Variants in TRAPPC6B observed in about 807,000 individuals in gnomAD.
TRAPPC6B encodes the protein TRAPP complex subunit 6B.
In TRAPPC6B, 27 loss-of-function variants were observed where a neutral mutation model predicts 24.7. The observed-to-expected ratio is 1.09, with a 90% CI of 0.81 to 1.51. The LOEUF is 1.51. Ranked by LOEUF, TRAPPC6B falls within the 40% of genes most tolerant of loss-of-function variation. The probability of loss-of-function intolerance (pLI) is 0.00; values close to 1 mark genes in which losing one functional copy is unlikely to be tolerated. For synonymous variants in TRAPPC6B, 80 were observed against 66.6 expected (o/e 1.20, Z -0.98); for missense variants, 212 against 190.8 (o/e 1.11, Z -0.66).
chr14:39,164,355 G>C, intron 1 of TRAPPC6B, among the ~76,000 whole-genome samples: 1 of 152,182 alleles, frequency 6.6e-6, no homozygotes, highest in East Asian at 1.9e-4. Context: ...AGCTGGGCAT[G>C]GTGGCGCATG....
At chr14:39,167,195 T>C (rs2053117846) in intron 1 of TRAPPC6B, among the ~76,000 whole-genome samples, 1 of 152,224 alleles carries the variant, frequency 6.6e-6, no homozygotes, top group Non-Finnish European at 1.5e-5. Flanking sequence ...ATTTTATCCA[T>C]TAGCCTTTCA....
chr14:39,160,179 T>G (rs1409473969), intron 1 of TRAPPC6B, among the ~76,000 whole-genome samples: 1 of 152,144 alleles, frequency 6.6e-6, no homozygotes, highest in Non-Finnish European at 1.5e-5. Flanking sequence ...AGAAGTGATT[T>G]TCCCAGGATA....
rs574163916 is a variant in TRAPPC6B at position 39,155,210 on chromosome 14, A to G, written c.268-916T>C. Reference sequence around the variant, plus strand: ...CTCCCAAAGTGCTGAAATTACATGTATGATCACCACACCCGACCTAATTTT... The same window carrying G: ...CTCCCAAAGTGCTGAAATTACATGTGTGATCACCACACCCGACCTAATTTT... On this transcript the variant is annotated intron_variant, in intron 3 of 5. Transcript: ENST00000330149. Among the ~76,000 whole-genome samples the G allele has an allele frequency of 3.9e-5, 6 of 152,168 alleles. No homozygotes were observed. The South Asian group carries it at 8.3e-4, about 21-fold the overall frequency.
chr14:39,160,631 G>A (rs1381364175), intron 1 of TRAPPC6B, among the ~76,000 whole-genome samples: 1 of 143,086 alleles, frequency 7.0e-6, no homozygotes, highest in Non-Finnish European at 1.5e-5. Flanking sequence ...GGAGGGGAGG[G>A]AAGGGAAGGG....
chr14:39,151,856 T>G lies in TRAPPC6B; in HGVS notation c.352-17A>C. 1 of 1,518,152 alleles carries G rather than the reference T, an allele frequency of 6.6e-7. No homozygotes were observed. Among genetic ancestry groups the G allele is most frequent in the Non-Finnish European group, 9.0e-7 (1 of 1,113,030 alleles). The allele number at this position is 1,518,152 out of a possible 1,614,324, so 94.0% of individuals were successfully genotyped here. On this transcript the variant is annotated splice_polypyrimidine_tract_variant and intron_variant, in intron 4 of 5. Coordinates refer to ENST00000330149, the MANE Select transcript of TRAPPC6B (RefSeq NM_001079537.2). Reference sequence around the variant, plus strand: ...TGCTAAATACTAAAAGGAAAAAAAATCATTAAAAATAGTAAGGATTTACTA... The same window carrying G: ...TGCTAAATACTAAAAGGAAAAAAAAGCATTAAAAATAGTAAGGATTTACTA...
At chr14:39,165,575 A>T (rs1260142998) in intron 1 of TRAPPC6B, among the ~76,000 whole-genome samples, 3 of 152,166 alleles carry the variant, frequency 2.0e-5, no homozygotes, top group Non-Finnish European at 4.4e-5. Context: ...CAGGAGGGTC[A>T]CTTGAGACTA....
intron 1 of TRAPPC6B, among the ~76,000 whole-genome samples, chr14:39,160,674 CAG>C (rs1411403924): frequency 4.0e-5 from 6 of 151,698 alleles, no homozygotes; most frequent in Non-Finnish European, 5.9e-5. Context: ...GAGACAGAAA[CAG>C]AGAGAAAAGA....
intron 1 of TRAPPC6B, among the ~76,000 whole-genome samples, chr14:39,161,508 A>T (rs1244599310): frequency 6.6e-6 from 1 of 152,234 alleles, no homozygotes; most frequent in Non-Finnish European, 1.5e-5. Context: ...CTTAAGCACA[A>T]ATGCAACATA....
chr14:39,151,742 T>A lies in TRAPPC6B; in HGVS notation c.445+4A>T. On this transcript the variant is annotated splice_donor_region_variant and intron_variant, in intron 5 of 5. Transcript: ENST00000330149. Reference sequence around the variant, plus strand: ...CATTTGTAAGAAAGGCGAATTCAACTTACAAGCAGGCATTGAAGACACTTC... The same window carrying A: ...CATTTGTAAGAAAGGCGAATTCAACATACAAGCAGGCATTGAAGACACTTC... 6.4e-7 allele frequency: 1 copy of A among 1,570,216 alleles called. No homozygotes were observed.
At position 39,148,477 on chromosome 14, in the gene TRAPPC6B, A is replaced by G; in HGVS notation, c.*1873T>C. On this transcript the variant is annotated 3_prime_UTR_variant, in exon 6 of 6. Coordinates refer to ENST00000330149, the MANE Select transcript of TRAPPC6B (RefSeq NM_001079537.2). ...AAGAAAAAAAAAATGGGGCTTTGTC[A>G]GCAAGGAAGGGAGAACGAAATGGCT... The G allele has an allele frequency of 2.6e-6, 1 of 391,914 alleles. No individual in the cohort carries two copies. Among genetic ancestry groups the G allele is most frequent in the East Asian group, 3.6e-5 (1 of 27,714 alleles). The allele number at this position is 391,914 out of a possible 1,614,324, so 24.3% of individuals were successfully genotyped here.
At chr14:39,154,379 G>GT (rs2052951943) in intron 3 of TRAPPC6B, 85 bp from the exon 4 acceptor site, 2 of 858,278 alleles carry the variant, frequency 2.3e-6, no homozygotes, top group Non-Finnish European at 3.6e-6. Flanking sequence ...CAATTTAAGT[G>GT]TTTTTTAAAG....
Position 39,170,227 on chromosome 14 carries a change from G to C in TRAPPC6B, c.-132C>G. On this transcript the variant is annotated 5_prime_UTR_variant, in exon 1 of 6. Transcript: ENST00000330149. ...CGCCATTCTATCCCTGTGGCTAAGA[G>C]ACCGAGGTATTCACACGACTTCCCA... 1 of 775,326 alleles carries C rather than the reference G, an allele frequency of 1.3e-6. No individual in the cohort carries two copies. The highest frequency in any genetic ancestry group is 2.5e-5 in the Admixed American group (1 of 39,390). 48.0% of individuals were successfully genotyped at this position (775,326 alleles called of 1,614,324 possible).
At position 39,151,945 on chromosome 14, in the gene TRAPPC6B, T is replaced by TA. The variant is rs773988544; in HGVS notation, c.352-107dup. 15 of 765,128 alleles carry TA rather than the reference T, an allele frequency of 2.0e-5. No individual in the cohort carries two copies. In the Admixed American group the frequency reaches 2.9e-4, roughly 15 times the overall value. 47.4% of individuals were successfully genotyped at this position (765,128 alleles called of 1,614,324 possible). On this transcript the variant is annotated intron_variant, in intron 4 of 5. Coordinates refer to ENST00000330149, the MANE Select transcript of TRAPPC6B (RefSeq NM_001079537.2). Reference sequence around the variant, plus strand: ...TTATCATCAGTAAGTCATTCCTGTTTAAAAAAAGGATTTTGAAGAACTGTT... The same window carrying TA: ...TTATCATCAGTAAGTCATTCCTGTTTAAAAAAAAGGATTTTGAAGAACTGTT...
intron 1 of TRAPPC6B, among the ~76,000 whole-genome samples, chr14:39,169,144 CTGACTTGAGCA>C (rs1314885315): frequency 1.3e-5 from 2 of 152,328 alleles, no homozygotes; most frequent in Admixed American, 6.5e-5. Context: ...GAAAGGGCTC[CTGACTTGAGCA>C]TGACTTTGGA....
intron 3 of TRAPPC6B, chr14:39,157,235 G>A (rs922768637): frequency 1.7e-5 from 6 of 351,446 alleles, no homozygotes; most frequent in African/African-American, 4.4e-5. Context: ...AAATGGCCCC[G>A]CTATATCAGG....
At chr14:39,157,767 G>T in intron 3 of TRAPPC6B, 1 of 238,884 alleles carries the variant, frequency 4.2e-6, no homozygotes, top group South Asian at 6.2e-5. Flanking sequence ...ACTGTCACTG[G>T]GGAGGCAATG....
At position 39,154,195 on chromosome 14, in the gene TRAPPC6B, C is replaced by T; in HGVS notation, c.351+16G>A. The T allele has an allele frequency of 6.4e-7, 1 of 1,555,514 alleles. No individual in the cohort carries two copies. The highest frequency in any genetic ancestry group is 8.9e-7 in the Non-Finnish European group (1 of 1,128,806). On this transcript the variant is annotated intron_variant, in intron 4 of 5. Transcript: ENST00000330149. ...CTACTATTAACAAAAACCCCAACTT[C>T]TATTCCATTAAATACCTTAGATGCA...
intron 1 of TRAPPC6B, among the ~76,000 whole-genome samples, chr14:39,165,365 T>A (rs973424911): frequency 6.6e-6 from 1 of 152,112 alleles, no homozygotes; most frequent in African/African-American, 2.4e-5. Context: ...TAAATTCTGC[T>A]CAAGTATTAC....
intron 1 of TRAPPC6B, among the ~76,000 whole-genome samples, chr14:39,160,757 C>A (rs946808648): frequency 1.1e-4 from 17 of 152,202 alleles, no homozygotes; most frequent in Middle Eastern, 3.4e-3. Flanking sequence ...GGAGACCAAC[C>A]ACAACACAAT....
Sources: gnomAD v4.1 joint callset for allele counts (sites outside exome capture counted in the v4.1 genomes callset) on GRCh38, gnomAD v4.1.1 for gene constraint, MANE v1.5 for transcripts, NCBI Gene and HGNC (gene_info 2026-07-23, HGNC 2026-07-21) for gene names.